DNM2: variants seen among roughly 807,000 people sequenced by gnomAD.
DNM2 encodes dynamin-2.
A neutral mutation model predicts 99.0 loss-of-function variants in DNM2; 15 were observed. That is an observed-to-expected ratio of 0.15 (90% CI 0.10 to 0.23). The LOEUF (loss-of-function observed/expected upper bound fraction) is 0.23, where lower values mean the gene tolerates loss of function less well. Among genes scored for constraint, DNM2 ranks in the 10% least tolerant of loss-of-function variants. The pLI, the probability that DNM2 is intolerant of heterozygous loss-of-function variation, is 1.00. For missense variants in DNM2, 742 were observed against 1,189.4 expected, an observed-to-expected ratio of 0.62 and a Z score of 5.53; for synonymous variants, 525 against 481.2, an observed-to-expected ratio of 1.09 and a Z score of -1.19.
chr19:10,806,944 T>C (rs1245163922), intron 13 of DNM2, among the ~76,000 whole-genome samples: 1 of 152,092 alleles, frequency 6.6e-6, no homozygotes, highest in African/African-American at 2.4e-5. Flanking sequence ...TCAGGGGAGC[T>C]TGGGATAGTT....
intron 15 of DNM2, among the ~76,000 whole-genome samples, chr19:10,819,017 G>A (rs1286641367): frequency 1.3e-5 from 2 of 152,100 alleles, no homozygotes; most frequent in Middle Eastern, 3.2e-3. Flanking sequence ...CCCCAGCTCC[G>A]TGACTCGCCA....
At position 10,772,522 on chromosome 19, in the gene DNM2, C is replaced by T; in HGVS notation, c.279C>T (p.Asp93=). 6.2e-7 allele frequency: 1 copy of T among 1,614,192 alleles called. No homozygotes were observed. Residue 93 remains aspartate (D), a synonymous_variant, in exon 3 of 21, where the codon GAC becomes GAT. Transcript: ENST00000389253. The surrounding 1 kb of genome is among the most constrained non-coding windows in gnomAD (Gnocchi z 4.9). ...FLHCKSKKFT[D]FDEVRQEIEA... ...ACTGCAAGTCCAAAAAGTTTACAGACTTTGATGAAGTCCGGCAGGAGATTG... is the reference window on the plus strand; with the variant it reads ...ACTGCAAGTCCAAAAAGTTTACAGATTTTGATGAAGTCCGGCAGGAGATTG...
In DNM2 at chr19:10,820,056, A is replaced by G; in HGVS notation, c.1748A>G (p.Lys583Arg). 1.2e-6 allele frequency: 2 copies of G among 1,614,210 alleles called. No homozygotes were observed. The highest frequency in any genetic ancestry group is 1.7e-6 in the Non-Finnish European group (2 of 1,180,034). Residue 583 changes from lysine (K) to arginine (R), a missense_variant, in exon 16 of 21, where the codon AAG becomes AGG. Physicochemically the swap from Lys to Arg is conservative, Grantham distance 26. This residue lies in a region of DNM2 where 240 missense variants were observed against 431.3 expected (regional missense o/e 0.56). Transcript: ENST00000389253. This position sits in a 1 kb window ranked among gnomAD's most constrained non-coding sequence, Gnocchi z 4.3. ...GTGGAGAAGGGCTTCATGTCCAACA[A>G]GCACGTCTTCGCCATCTTCAACACG... ...RDVEKGFMSN[K>R]HVFAIFNTEQ...
intron 6 of DNM2, among the ~76,000 whole-genome samples, chr19:10,784,968 C>T (rs746827145): frequency 2.6e-5 from 4 of 151,648 alleles, no homozygotes; most frequent in Non-Finnish European, 5.9e-5. Flanking sequence ...GGATTACAGG[C>T]GTGCGCCACC....
At chr19:10,755,030 C>T (rs926279182) in intron 1 of DNM2, 4 of 152,366 alleles carry the variant, frequency 2.6e-5, no homozygotes, top group East Asian at 1.9e-4. Context: ...ATTTCTATCT[C>T]CAGAGACTAG....
intron 1 of DNM2, among the ~76,000 whole-genome samples, chr19:10,727,565 A>G (rs1372020264): frequency 6.6e-6 from 1 of 151,922 alleles, no homozygotes; most frequent in Admixed American, 6.6e-5. Flanking sequence ...GTGGGGTCTC[A>G]TTATTTTTTG....
rs1276844404 is a variant in DNM2, at chr19:10,820,497, G to A, written c.1781+408G>A. ...TGATGGGGCCAGAACCCATAGGGAA[G>A]GAGGGTGCAGATTCTGGGTAGAAGA... On this transcript the variant is annotated intron_variant, in intron 16 of 20. Coordinates refer to ENST00000389253, the MANE Select transcript of DNM2 (RefSeq NM_001005361.3). This position sits in a 1 kb window ranked among gnomAD's most constrained non-coding sequence, Gnocchi z 4.3. 6.6e-6 allele frequency among the ~76,000 whole-genome samples: 1 copy of A among 152,264 alleles called. No individual in the cohort carries two copies. The highest frequency in any genetic ancestry group is 2.1e-4 in the South Asian group (1 of 4,838).
In DNM2 at chr19:10,758,267, CTCCTTCCT is replaced by C. The variant is rs1568282715; in HGVS notation, c.162-1467_162-1460del. The stretch of plus-strand genomic sequence containing the variant: ...CTTTCTTCCTTCCCTCCTTCCTTCC[CTCCTTCCT>C]TCCCTCCCTCCTTCCTTCCCTCCCT... On this transcript the variant is annotated intron_variant, in intron 1 of 20. Coordinates refer to ENST00000389253, the MANE Select transcript of DNM2 (RefSeq NM_001005361.3). 8.6e-4 allele frequency among the ~76,000 whole-genome samples: 114 copies of C among 132,740 alleles called. 2 individuals carry two copies. Among genetic ancestry groups the C allele is most frequent in the Middle Eastern group, 4.4e-3 (1 of 226 alleles). The allele number at this position is 132,740 out of a possible 152,430, so 87.1% of individuals were successfully genotyped here.
intron 1 of DNM2, among the ~76,000 whole-genome samples, chr19:10,734,638 CAAAAAAA>C (rs61458566): frequency 1.7e-5 from 1 of 58,538 alleles, no homozygotes; most frequent in Non-Finnish European, 2.9e-5. Flanking sequence ...GACCCTGTCT[CAAAAAAA>C]AAAAAAAAAA....
chr19:10,802,405 T>C, intron 12 of DNM2, 47 bp downstream of exon 12: 12 of 1,593,810 alleles, frequency 7.5e-6, no homozygotes, highest in Non-Finnish European at 9.5e-6. Flanking sequence ...CAATCCTCAC[T>C]CTCAGATCCA....
chr19:10,743,647 A>G (rs936391457), intron 1 of DNM2, among the ~76,000 whole-genome samples: 1 of 151,740 alleles, frequency 6.6e-6, no homozygotes, highest in Non-Finnish European at 1.5e-5. Flanking sequence ...CGTCTCTACT[A>G]AAAATACAAA....
In DNM2 at chr19:10,816,748, G is replaced by A. The variant is rs1033157192; in HGVS notation, c.1672-3232G>A. ...GTGGGAATGCCAGGCCTGGGGCAGC[G>A]AGCCTTGGAGGAGCCTCTGGGCCTG... On this transcript the variant is annotated intron_variant, in intron 15 of 20. Coordinates refer to ENST00000389253, the MANE Select transcript of DNM2 (RefSeq NM_001005361.3). The surrounding 1 kb of genome is among the most constrained non-coding windows in gnomAD (Gnocchi z 4.6). 2.0e-5 allele frequency among the ~76,000 whole-genome samples: 3 copies of A among 152,208 alleles called. No homozygotes were observed. Among genetic ancestry groups the A allele is most frequent in the Non-Finnish European group, 4.4e-5 (3 of 68,016 alleles).
At chr19:10,752,607 C>G (rs2070234983) in intron 1 of DNM2, among the ~76,000 whole-genome samples, 1 of 152,238 alleles carries the variant, frequency 6.6e-6, no homozygotes, top group East Asian at 1.9e-4. Context: ...GCCAGGTGCC[C>G]TGGTGGTTAG....
Position 10,772,420 on chromosome 19 carries a change from T to C in DNM2, c.236-59T>C, listed in dbSNP as rs2145911057. On this transcript the variant is annotated intron_variant, in intron 2 of 20. Coordinates refer to ENST00000389253, the MANE Select transcript of DNM2 (RefSeq NM_001005361.3). This position sits in a 1 kb window ranked among gnomAD's most constrained non-coding sequence, Gnocchi z 4.9. ...TTCAACAAAGCATTTCTCCCCGCAG[T>C]CCATGCGCACCCTGCCCACAGCTCT... The C allele has an allele frequency of 6.2e-7, 1 of 1,606,630 alleles. No individual in the cohort carries two copies. The highest frequency in any genetic ancestry group is 8.5e-7 in the Non-Finnish European group (1 of 1,177,114).
intron 2 of DNM2, among the ~76,000 whole-genome samples, chr19:10,763,872 A>G (rs993402211): frequency 2.6e-5 from 4 of 151,840 alleles, no homozygotes; most frequent in Non-Finnish European, 5.9e-5. Flanking sequence ...GGAGTGGGGG[A>G]TAGGGAGTGG....
At position 10,812,408 on chromosome 19, in the gene DNM2, G is replaced by A; in HGVS notation, c.1671+31G>A. The A allele has an allele frequency of 6.4e-7, 1 of 1,562,266 alleles. No homozygotes were observed. The stretch of plus-strand genomic sequence containing the variant: ...TGGCAGGCGGGAGCAGGGCTGCTGG[G>A]GTAGGTGGGGCAGCCAGGGAAGAGC... On this transcript the variant is annotated intron_variant, in intron 15 of 20. Transcript: ENST00000389253. The surrounding 1 kb of genome is among the most constrained non-coding windows in gnomAD (Gnocchi z 4.0).
chr19:10,798,598 G>A (rs1272622639), intron 11 of DNM2, 26 bp downstream of exon 11: 1 of 1,613,492 alleles, frequency 6.2e-7, no homozygotes, highest in Non-Finnish European at 8.5e-7. Context: ...CTTCTTTATT[G>A]GGTATAATTT....
At chr19:10,774,281 A>C (rs2071077182) in intron 3 of DNM2, among the ~76,000 whole-genome samples, 1 of 152,226 alleles carries the variant, frequency 6.6e-6, no homozygotes, top group Non-Finnish European at 1.5e-5. Flanking sequence ...TAGCTACTGC[A>C]CTTCACCTGG....
chr19:10,731,227 A>G (rs1310155968), intron 1 of DNM2, among the ~76,000 whole-genome samples: 1 of 152,002 alleles, frequency 6.6e-6, no homozygotes, highest in Non-Finnish European at 1.5e-5. Flanking sequence ...TGTCTTTTGT[A>G]TGGATACACA....
Sources: gnomAD v4.1 joint callset for allele counts (sites outside exome capture counted in the v4.1 genomes callset) on GRCh38, gnomAD v4.1.1 for gene constraint, gnomAD v4.1.1 regional missense constraint, Gnocchi (gnomAD v3.1) non-coding constraint, MANE v1.5 for transcripts, NCBI Gene and HGNC (gene_info 2026-07-23, HGNC 2026-07-21) for gene names.